The following GRM3 variants were observed in gnomAD, a reference collection of about 807,000 sequenced individuals.
GRM3 encodes metabotropic glutamate receptor 3.
Under a neutral mutation model 70.5 loss-of-function variants are expected in GRM3, and 26 were observed. The observed-to-expected ratio is 0.37, with a 90% CI of 0.27 to 0.51. GRM3 has a LOEUF of 0.51. GRM3 is among the 20% of genes least tolerant of loss of function. The pLI, the probability that GRM3 is intolerant of heterozygous loss-of-function variation, is 0.93. For synonymous variants in GRM3, 443 were observed against 434.9 expected (o/e 1.02, Z -0.23); for missense variants, 859 against 1,123.8 (o/e 0.76, Z 3.37).
chr7:86,662,833 C>T (rs990088497), intron 1 of GRM3, among the ~76,000 whole-genome samples: 5 of 151,874 alleles, frequency 3.3e-5, no homozygotes, highest in Admixed American at 2.0e-4. Flanking sequence ...GCATACCTAA[C>T]CCCAAATACT....
chr7:86,724,715 C>T (rs1198758588), intron 1 of GRM3, among the ~76,000 whole-genome samples: 1 of 152,080 alleles, frequency 6.6e-6, no homozygotes, highest in Non-Finnish European at 1.5e-5. Context: ...CAAATCCTAA[C>T]TGATGTCTCT....
At chr7:86,776,167 C>T (rs555944466) in intron 2 of GRM3, 1 of 152,310 alleles carries the variant, frequency 6.6e-6, no homozygotes, top group Admixed American at 6.5e-5. Flanking sequence ...ACATGCCCAT[C>T]AGTGAGTTAA....
intron 1 of GRM3, among the ~76,000 whole-genome samples, chr7:86,720,301 A>T (rs1040633773): frequency 1.3e-5 from 2 of 152,002 alleles, no homozygotes; most frequent in Non-Finnish European, 2.9e-5. Context: ...AAAACTACAG[A>T]TGGAAAGGAG....
chr7:86,662,773 C>T (rs1387074786), intron 1 of GRM3, among the ~76,000 whole-genome samples: 2 of 151,884 alleles, frequency 1.3e-5, no homozygotes, highest in East Asian at 3.9e-4. Flanking sequence ...AGTAATTTGT[C>T]CAAACATGTT....
intron 1 of GRM3, among the ~76,000 whole-genome samples, chr7:86,673,337 C>T (rs957081428): frequency 6.6e-6 from 1 of 152,114 alleles, no homozygotes; most frequent in African/African-American, 2.4e-5. Flanking sequence ...TAGTAACTAT[C>T]GAGAATGATT....
intron 1 of GRM3, among the ~76,000 whole-genome samples, chr7:86,718,988 A>G (rs959162560): frequency 1.3e-5 from 2 of 151,970 alleles, no homozygotes; most frequent in African/African-American, 4.8e-5. Flanking sequence ...TTCATTTGGA[A>G]AGAAAACGAC....
At chr7:86,811,179 T>C (rs1488141417) in intron 3 of GRM3, among the ~76,000 whole-genome samples, 2 of 151,970 alleles carry the variant, frequency 1.3e-5, no homozygotes, top group Non-Finnish European at 1.5e-5. Context: ...ACATGAGGTA[T>C]CATCCAATTG....
chr7:86,839,156 G>C lies in GRM3; in HGVS notation c.1642G>C (p.Asp548His), dbSNP rs267601605. ...CCTGGCTGATGAGTTTACCTGTATG[G>C]ATTGTGGGTCTGGACAGTGGCCCAC... ...EYLADEFTCM[D>H]CGSGQWPTAD... The change falls in exon 4 of 6, where the codon GAT becomes CAT. Residue 548 changes from aspartate to histidine, a missense_variant. Coordinates refer to ENST00000361669, the MANE Select transcript of GRM3 (RefSeq NM_000840.3). The surrounding 1 kb of genome is among the most constrained non-coding windows in gnomAD (Gnocchi z 4.5). 6.2e-7 allele frequency: 1 copy of C among 1,614,094 alleles called. No individual in the cohort carries two copies. The highest frequency in any genetic ancestry group is 1.7e-4 in the Middle Eastern group (1 of 6,060).
intron 3 of GRM3, chr7:86,833,016 T>C: frequency 1.0e-6 from 1 of 984,098 alleles, no homozygotes; most frequent in Non-Finnish European, 1.2e-6. Context: ...TTTCTTCCCC[T>C]TCTAGTTTGG....
chr7:86,648,603 G>A (rs1168346596), intron 1 of GRM3, among the ~76,000 whole-genome samples: 1 of 152,028 alleles, frequency 6.6e-6, no homozygotes, highest in Admixed American at 6.6e-5. Context: ...TGGAATTAAG[G>A]CCAAATTATT....
intron 3 of GRM3, among the ~76,000 whole-genome samples, chr7:86,788,695 A>G (rs955423217): frequency 7.9e-5 from 12 of 152,208 alleles, no homozygotes; most frequent in Admixed American, 6.5e-4. Flanking sequence ...TCTTTACTCT[A>G]AAAATAAATT....
rs537101195 is a variant in GRM3, at chr7:86,858,283, A to T, written c.2567-5999A>T. On this transcript the variant is annotated intron_variant, in intron 5 of 5. Transcript: ENST00000361669. ...GAACATGATATTTTAAAGCAACATG[A>T]TGTGGCAACAATGGAGGGAAGTATT... Among the ~76,000 whole-genome samples, 5 of 152,210 alleles carry T rather than the reference A, an allele frequency of 3.3e-5. 1 individual carries two copies. In the South Asian group the frequency reaches 1.0e-3, roughly 32 times the overall value.
At chr7:86,723,751 G>A (rs955453312) in intron 1 of GRM3, among the ~76,000 whole-genome samples, 2 of 152,060 alleles carry the variant, frequency 1.3e-5, no homozygotes, top group Non-Finnish European at 2.9e-5. Flanking sequence ...AGAACTCTGA[G>A]GACTTTAAAG....
chr7:86,718,954 G>A (rs1436360250), intron 1 of GRM3, among the ~76,000 whole-genome samples: 1 of 151,848 alleles, frequency 6.6e-6, no homozygotes, highest in East Asian at 1.9e-4. Context: ...TGTCTGGCAA[G>A]GTAGAATTGA....
chr7:86,857,642 A>AGAGT (rs1335377782), intron 5 of GRM3, among the ~76,000 whole-genome samples: 1 of 152,210 alleles, frequency 6.6e-6, no homozygotes, highest in East Asian at 1.9e-4. Flanking sequence ...TAATTTTATT[A>AGAGT]GAGTTTAACA....
Position 86,765,926 on chromosome 7 carries a change from G to T in GRM3, c.468+313G>T, listed in dbSNP as rs553013791. 3.9e-5 allele frequency among the ~76,000 whole-genome samples: 6 copies of T among 152,142 alleles called. No homozygotes were observed. The East Asian group carries it at 1.2e-3, about 29-fold the overall frequency. ...AGATGCTGTGAACTAATGGAGGCTG[G>T]GTTTCACTGGGGGCAGCTCTGCTCC... On this transcript the variant is annotated intron_variant, in intron 2 of 5. Coordinates refer to ENST00000361669, the MANE Select transcript of GRM3 (RefSeq NM_000840.3).
At chr7:86,685,574 A>G (rs1794543649) in intron 1 of GRM3, among the ~76,000 whole-genome samples, 1 of 152,136 alleles carries the variant, frequency 6.6e-6, no homozygotes, top group Non-Finnish European at 1.5e-5. Flanking sequence ...TGTGACCTGA[A>G]CTAGTTCATT....
rs1467328655 is a variant in GRM3 at position 86,786,713 on chromosome 7, G to A, written c.921G>A (p.Glu307=). The A allele has an allele frequency of 1.2e-6, 2 of 1,613,054 alleles. No individual in the cohort carries two copies. The highest frequency in any genetic ancestry group is 1.7e-6 in the Non-Finnish European group (2 of 1,180,014). ...WVASDGWGAQ[E]SIIKGSEHVA... ...CCAGCGACGGCTGGGGCGCGCAGGA[G>A]AGCATCATCAAGGGCAGCGAGCATG... Residue 307 remains glutamate, a synonymous_variant, in exon 3 of 6, where the codon GAG becomes GAA. Transcript: ENST00000361669. The surrounding 1 kb of genome is among the most constrained non-coding windows in gnomAD (Gnocchi z 6.0).
chr7:86,688,244 T>C (rs529162866), intron 1 of GRM3, among the ~76,000 whole-genome samples: 2 of 151,830 alleles, frequency 1.3e-5, no homozygotes, highest in East Asian at 3.9e-4. Context: ...TTTTATTCTG[T>C]TTACAGAAGT....
Sources: gnomAD v4.1 joint callset for allele counts (sites outside exome capture counted in the v4.1 genomes callset) on GRCh38, gnomAD v4.1.1 for gene constraint, Gnocchi (gnomAD v3.1) non-coding constraint, MANE v1.5 for transcripts, NCBI Gene and HGNC (gene_info 2026-07-23, HGNC 2026-07-21) for gene names.